Variants in ASIC2 observed in about 807,000 individuals in gnomAD.
The protein encoded by ASIC2 is acid sensing ion channel subunit 2.
In ASIC2, 25 loss-of-function variants were observed where a neutral mutation model predicts 57.3. The ratio of observed to expected loss-of-function variants is 0.44; its 90% CI spans 0.32 to 0.61. ASIC2 has a LOEUF of 0.61. ASIC2 is among the 20% of genes least tolerant of loss of function. ASIC2 has a pLI of 0.06. For missense variants in ASIC2, 641 were observed against 738.1 expected, an observed-to-expected ratio of 0.87 and a Z score of 1.52; for synonymous variants, 319 against 307.5, an observed-to-expected ratio of 1.04 and a Z score of -0.39.
chr17:34,082,937 A>G (rs1011715576), intron 1 of ASIC2, among the ~76,000 whole-genome samples: 1 of 152,218 alleles, frequency 6.6e-6, no homozygotes, highest in African/African-American at 2.4e-5. Flanking sequence ...GCAGGAGCAT[A>G]AGGAGATATG....
chr17:33,649,100 A>T (rs1240530154), intron 1 of ASIC2, among the ~76,000 whole-genome samples: 1 of 152,240 alleles, frequency 6.6e-6, no homozygotes, highest in Non-Finnish European at 1.5e-5. Context: ...CATACATGTC[A>T]GAAAGGAAGA....
At chr17:33,422,346 C>T (rs895855064) in intron 1 of ASIC2, among the ~76,000 whole-genome samples, 3 of 152,210 alleles carry the variant, frequency 2.0e-5, no homozygotes, top group African/African-American at 7.2e-5. Context: ...AACCCCCGTC[C>T]CCACAGCTCC....
intron 1 of ASIC2, among the ~76,000 whole-genome samples, chr17:33,812,205 C>T (rs1912442066): frequency 6.6e-6 from 1 of 152,116 alleles, no homozygotes; most frequent in Non-Finnish European, 1.5e-5. Context: ...TGACGGCATC[C>T]TTTGCCAATT....
chr17:33,198,831 C>T (rs1318339673), intron 1 of ASIC2, among the ~76,000 whole-genome samples: 2 of 152,234 alleles, frequency 1.3e-5, no homozygotes, highest in African/African-American at 4.8e-5. Context: ...CTAAAATACA[C>T]AATCTTCTTC....
Position 34,019,174 on chromosome 17 carries a change from C to T in ASIC2, c.555+136804G>A, listed in dbSNP as rs184342909. Among the ~76,000 whole-genome samples, 18 of 151,918 alleles carry T rather than the reference C, an allele frequency of 1.2e-4. No individual in the cohort carries two copies. The East Asian group carries it at 2.9e-3, about 25-fold the overall frequency. ...CCGCCCTCCTTGGCCTCTCAAAGTG[C>T]GGGATTACAGGCTTGAGCCACCACG... is the stretch of plus-strand genomic sequence containing the variant. On this transcript the variant is annotated intron_variant, in intron 1 of 9. Coordinates refer to the ASIC2 transcript ENST00000359872.
chr17:33,480,978 A>T, intron 1 of ASIC2, among the ~76,000 whole-genome samples: 1 of 152,172 alleles, frequency 6.6e-6, no homozygotes, highest in East Asian at 1.9e-4. Context: ...TTGACCTCTC[A>T]ACTGTCTTCT....
At chr17:33,566,610 C>T (rs1304547879) in intron 1 of ASIC2, among the ~76,000 whole-genome samples, 1 of 152,192 alleles carries the variant, frequency 6.6e-6, no homozygotes, top group African/African-American at 2.4e-5. Context: ...TATATTCCCC[C>T]TTACAGCAGA....
chr17:33,476,504 C>CATATATATATATATAT (rs67811038), intron 1 of ASIC2, among the ~76,000 whole-genome samples: 15 of 122,746 alleles, frequency 1.2e-4, no homozygotes, highest in South Asian at 2.9e-4. Context: ...TGTGTGTGTG[C>CATATATATATATATAT]ATATATATAT....
intron 1 of ASIC2, among the ~76,000 whole-genome samples, chr17:33,373,018 G>T (rs1271440696): frequency 1.3e-5 from 2 of 152,190 alleles, no homozygotes; most frequent in African/African-American, 2.4e-5. Flanking sequence ...GGGTTCTGAT[G>T]CTTTGGGCAA....
chr17:33,120,793 T>C (rs539558330), intron 1 of ASIC2, among the ~76,000 whole-genome samples: 1 of 152,266 alleles, frequency 6.6e-6, no homozygotes, highest in East Asian at 1.9e-4. Context: ...CTGTAGATAG[T>C]AGGGGTTGTG....
intron 1 of ASIC2, among the ~76,000 whole-genome samples, chr17:33,950,403 G>A (rs747205584): frequency 7.9e-5 from 12 of 152,206 alleles, no homozygotes; most frequent in African/African-American, 1.2e-4. Context: ...TGCAGACCAC[G>A]TTCCCTCAGC....
intron 1 of ASIC2, among the ~76,000 whole-genome samples, chr17:33,926,333 T>C (rs1293018454): frequency 6.6e-6 from 1 of 152,136 alleles, no homozygotes; most frequent in Non-Finnish European, 1.5e-5. Flanking sequence ...GGACCAGACG[T>C]ATTTTGAATT....
chr17:33,646,933 G>A (rs1254574517), intron 1 of ASIC2, among the ~76,000 whole-genome samples: 4 of 152,062 alleles, frequency 2.6e-5, no homozygotes, highest in Admixed American at 6.6e-5. Context: ...GGGGGAGAGC[G>A]GTGGAGGAGT....
intron 1 of ASIC2, among the ~76,000 whole-genome samples, chr17:33,939,869 C>T (rs1045933142): frequency 6.6e-6 from 1 of 152,126 alleles, no homozygotes; most frequent in Non-Finnish European, 1.5e-5. Flanking sequence ...GTAAATAGGG[C>T]ATTTGGGAAA....
intron 1 of ASIC2, among the ~76,000 whole-genome samples, chr17:33,517,021 C>T (rs925464622): frequency 6.6e-6 from 1 of 152,196 alleles, no homozygotes; most frequent in African/African-American, 2.4e-5. Flanking sequence ...TGGTAGTTAA[C>T]GAAGCCTCTC....
intron 1 of ASIC2, among the ~76,000 whole-genome samples, chr17:33,390,817 G>A (rs1218606803): frequency 6.6e-6 from 1 of 152,222 alleles, no homozygotes; most frequent in African/African-American, 2.4e-5. Flanking sequence ...GGCTCTTTGA[G>A]TCTGTTTGTC....
intron 1 of ASIC2, among the ~76,000 whole-genome samples, chr17:33,328,420 G>T (rs1266514902): frequency 6.6e-6 from 1 of 152,092 alleles, no homozygotes; most frequent in African/African-American, 2.4e-5. Flanking sequence ...AGAGGGAGTT[G>T]GATGATCCTC....
intron 1 of ASIC2, among the ~76,000 whole-genome samples, chr17:33,151,184 C>T (rs1904778984): frequency 5.1e-5 from 1 of 19,540 alleles, no homozygotes; most frequent in African/African-American, 3.1e-4. Flanking sequence ...CACACACGCA[C>T]ACACACACAC....
intron 1 of ASIC2, among the ~76,000 whole-genome samples, chr17:33,284,346 T>G (rs1905066905): frequency 6.6e-6 from 1 of 152,194 alleles, no homozygotes; most frequent in Non-Finnish European, 1.5e-5. Flanking sequence ...ATGAAAATAG[T>G]GATTTAGTTG....
Sources: allele counts gnomAD v4.1 joint callset (sites outside exome capture counted in the v4.1 genomes callset), GRCh38; gene constraint gnomAD v4.1.1; transcripts MANE v1.5; gene names NCBI Gene and HGNC (gene_info 2026-07-23, HGNC 2026-07-21).